BMPER: variants seen among roughly 807,000 people sequenced by gnomAD.
BMPER encodes BMP binding endothelial regulator, also known as BMP-binding endothelial regulator protein.
Under a neutral mutation model 87.3 loss-of-function variants are expected in BMPER, and 45 were observed. That is an observed-to-expected ratio of 0.52 (90% CI 0.41 to 0.66). BMPER has a LOEUF of 0.66. Among genes scored for constraint, BMPER ranks in the 30% least tolerant of loss-of-function variants. BMPER has a pLI of 0.00. For synonymous variants in BMPER, 326 were observed against 316.2 expected, an observed-to-expected ratio of 1.03 and a Z score of -0.33; for missense variants, 784 against 867.5, an observed-to-expected ratio of 0.90 and a Z score of 1.21.
At chr7:33,905,767 G>T in intron 1 of BMPER, 21 bp downstream of exon 1, 6 of 914,074 alleles carry the variant, frequency 6.6e-6, no homozygotes, top group South Asian at 5.1e-5. Flanking sequence ...GGGCGGGAGG[G>T]ACCGGCCCTC....
chr7:34,086,581 A>G (rs1789217162), intron 13 of BMPER, among the ~76,000 whole-genome samples: 1 of 152,222 alleles, frequency 6.6e-6, no homozygotes, highest in Non-Finnish European at 1.5e-5. Flanking sequence ...CACATGGAAA[A>G]TAAGGAAGCA....
chr7:34,007,984 TG>T (rs1786781225), intron 6 of BMPER, among the ~76,000 whole-genome samples: 1 of 152,012 alleles, frequency 6.6e-6, no homozygotes, highest in South Asian at 2.1e-4. Flanking sequence ...TTGTTTTTCT[TG>T]TCAGTTTTAA....
intron 6 of BMPER, among the ~76,000 whole-genome samples, chr7:34,020,520 C>G (rs570059949): frequency 6.6e-6 from 1 of 151,864 alleles, no homozygotes; most frequent in Non-Finnish European, 1.5e-5. Flanking sequence ...TTCCTGAGCC[C>G]CACTCCAGAG....
chr7:33,988,403 G>C (rs1484058185), intron 6 of BMPER, among the ~76,000 whole-genome samples: 1 of 152,062 alleles, frequency 6.6e-6, no homozygotes, highest in African/African-American at 2.4e-5. Flanking sequence ...TAATAACTAA[G>C]CCCACTAACT....
At chr7:34,041,141 T>G (rs1173644071) in intron 6 of BMPER, among the ~76,000 whole-genome samples, 1 of 152,166 alleles carries the variant, frequency 6.6e-6, no homozygotes, top group Non-Finnish European at 1.5e-5. Context: ...TCAGCTTGGA[T>G]GTTAGAACTA....
rs1285745066 is a variant in BMPER, at chr7:33,974,709, G to A, written c.501G>A (p.Val167=). 1 of 1,614,040 alleles carries A rather than the reference G, an allele frequency of 6.2e-7. No individual in the cohort carries two copies. Among genetic ancestry groups the A allele is most frequent in the South Asian group, 1.1e-5 (1 of 91,074 alleles). ...GMCCPTCPGC[V]FEGVQYQEGE... ...CTCTTGTCTGCTTTCCAGGCTGTGTGTTTGAGGGTGTGCAGTATCAAGAAG... is the reference window on the plus strand; with the variant it reads ...CTCTTGTCTGCTTTCCAGGCTGTGTATTTGAGGGTGTGCAGTATCAAGAAG... Residue 167 remains valine, a synonymous_variant, in exon 6 of 15, where the codon GTG becomes GTA. Transcript: ENST00000649409.
chr7:34,095,512 C>T (rs1195021744), intron 13 of BMPER, among the ~76,000 whole-genome samples: 1 of 152,152 alleles, frequency 6.6e-6, no homozygotes, highest in Non-Finnish European at 1.5e-5. Context: ...TTTAGCTTCC[C>T]TTTGCCCTAT....
Position 33,938,519 on chromosome 7 carries a change from C to T in BMPER, c.319+1131C>T, listed in dbSNP as rs147439857. 5.3e-3 allele frequency among the ~76,000 whole-genome samples: 812 copies of T among 152,174 alleles called. 6 individuals carry two copies. The highest frequency in any genetic ancestry group is 0.017 in the African/African-American group (705 of 41,496). ...CCACCAGCTTAGGAGTGCCCAGGGC[C>T]GCCAGGATCTAGGAAAGGCAAGGGG... is the stretch of plus-strand genomic sequence containing the variant. On this transcript the variant is annotated intron_variant, in intron 3 of 14. Transcript: ENST00000649409.
intron 13 of BMPER, among the ~76,000 whole-genome samples, chr7:34,115,391 G>A (rs1790090721): frequency 6.6e-6 from 1 of 152,108 alleles, no homozygotes; most frequent in African/African-American, 2.4e-5. Context: ...ATAATGTAAT[G>A]GTTTTTATTA....
chr7:34,014,871 C>T lies in BMPER; in HGVS notation c.577-31435C>T, dbSNP rs543185874. ...CATTTTCTTTTATCACTAATTTTAA[C>T]TTACTGGCATATTTTTAGTGTTTCC... On this transcript the variant is annotated intron_variant, in intron 6 of 14. Transcript: ENST00000649409. Among the ~76,000 whole-genome samples, 296 of 151,978 alleles carry T rather than the reference C, an allele frequency of 1.9e-3. 1 individual carries two copies. Among genetic ancestry groups the T allele is most frequent in the Non-Finnish European group, 3.4e-3 (234 of 67,860 alleles).
chr7:34,070,403 G>A (rs889842315), intron 11 of BMPER, among the ~76,000 whole-genome samples: 1 of 152,026 alleles, frequency 6.6e-6, no homozygotes, highest in African/African-American at 2.4e-5. Flanking sequence ...CAATCATCAG[G>A]TTTGCTTGAT....
At chr7:34,141,063 T>G (rs1790853537) in intron 13 of BMPER, among the ~76,000 whole-genome samples, 3 of 152,182 alleles carry the variant, frequency 2.0e-5, no homozygotes, top group Admixed American at 1.3e-4. Flanking sequence ...AATGTCGCTG[T>G]GAAGTCTGAG....
chr7:34,019,340 C>T (rs1787119720), intron 6 of BMPER, among the ~76,000 whole-genome samples: 1 of 152,036 alleles, frequency 6.6e-6, no homozygotes, highest in African/African-American at 2.4e-5. Flanking sequence ...ATTCTCTCGT[C>T]AGAGGGCCAA....
intron 6 of BMPER, among the ~76,000 whole-genome samples, chr7:34,007,908 T>C (rs1158284576): frequency 6.6e-6 from 1 of 151,956 alleles, no homozygotes; most frequent in Non-Finnish European, 1.5e-5. Flanking sequence ...TGCAGTGATA[T>C]TCACCTCCAT....
At chr7:34,097,229 C>T (rs1356059487) in intron 13 of BMPER, among the ~76,000 whole-genome samples, 1 of 152,158 alleles carries the variant, frequency 6.6e-6, no homozygotes, top group Admixed American at 6.5e-5. Flanking sequence ...ATATTCCAGC[C>T]ACTGAAGACT....
intron 6 of BMPER, among the ~76,000 whole-genome samples, chr7:33,987,648 A>G (rs887782035): frequency 6.6e-6 from 1 of 151,954 alleles, no homozygotes; most frequent in Admixed American, 6.6e-5. Flanking sequence ...CTCCAGTGTC[A>G]AACATGTCTA....
chr7:33,997,292 C>G (rs1450639429), intron 6 of BMPER, among the ~76,000 whole-genome samples: 1 of 152,186 alleles, frequency 6.6e-6, no homozygotes, highest in East Asian at 1.9e-4. Flanking sequence ...CCAAGACTCT[C>G]CTTCTGATAT....
chr7:33,972,182 C>T (rs769995710), intron 5 of BMPER, among the ~76,000 whole-genome samples: 62 of 152,238 alleles, frequency 4.1e-4, no homozygotes, highest in Non-Finnish European at 8.2e-4. Context: ...GGATTACAGG[C>T]GTGAGCCCCT....
intron 6 of BMPER, among the ~76,000 whole-genome samples, chr7:33,989,675 C>T (rs1285595091): frequency 1.3e-5 from 2 of 152,286 alleles, no homozygotes; most frequent in East Asian, 1.9e-4. Context: ...GTGTTTTGGA[C>T]ATGAAGTCCT....
Sources: gnomAD v4.1 joint callset for allele counts (sites outside exome capture counted in the v4.1 genomes callset) on GRCh38, gnomAD v4.1.1 for gene constraint, MANE v1.5 for transcripts, NCBI Gene and HGNC (gene_info 2026-07-23, HGNC 2026-07-21) for gene names.